The following PREX1 variants were observed in gnomAD, a reference collection of about 807,000 sequenced individuals.
The protein encoded by PREX1 is phosphatidylinositol 3,4,5-trisphosphate-dependent Rac exchanger 1 protein.
Under a neutral mutation model 198.3 loss-of-function variants are expected in PREX1, and 41 were observed. The observed-to-expected ratio is 0.21, with a 90% CI of 0.16 to 0.27. PREX1 has a LOEUF of 0.27. Ranked by LOEUF, PREX1 falls within the 10% of genes least tolerant of loss-of-function variation. The pLI, the probability that PREX1 is intolerant of heterozygous loss-of-function variation, is 1.00. For synonymous variants in PREX1, 843 were observed against 887.2 expected (o/e 0.95, Z 0.89); for missense variants, 1,620 against 2,200.7 (o/e 0.74, Z 5.28).
chr20:48,760,394 AG>A (rs2090173998), intron 1 of PREX1, among the ~76,000 whole-genome samples: 1 of 152,044 alleles, frequency 6.6e-6, no homozygotes, highest in South Asian at 2.1e-4. Flanking sequence ...GAGAAGGGGA[AG>A]GCTTTATAAA....
chr20:48,834,172 A>G, the PREX1 span, among the ~76,000 whole-genome samples: 1 of 152,170 alleles, frequency 6.6e-6, no homozygotes, highest in Admixed American at 6.5e-5. Flanking sequence ...CCTAAGGTTT[A>G]TAACGTGAAG....
chr20:48,710,831 G>A (rs536134411), intron 5 of PREX1, among the ~76,000 whole-genome samples: 20 of 152,252 alleles, frequency 1.3e-4, no homozygotes, highest in Non-Finnish European at 2.5e-4. Flanking sequence ...AGAAGAGCAC[G>A]TGCAAAGGCC....
the PREX1 span, among the ~76,000 whole-genome samples, chr20:48,853,156 T>A: frequency 6.6e-6 from 1 of 152,140 alleles, no homozygotes; most frequent in East Asian, 1.9e-4. Context: ...ACAAAAATTT[T>A]AAATTATAAT....
chr20:48,848,248 CTTTTTTTTT>C, the PREX1 span, among the ~76,000 whole-genome samples: 1 of 140,522 alleles, frequency 7.1e-6, no homozygotes, highest in Admixed American at 7.2e-5. Flanking sequence ...TACATTTTTT[CTTTTTTTTT>C]TTTTTGTTTC....
At chr20:48,707,263 T>C (rs1476326047) in intron 6 of PREX1, among the ~76,000 whole-genome samples, 2 of 152,132 alleles carry the variant, frequency 1.3e-5, no homozygotes, top group Non-Finnish European at 2.9e-5. Flanking sequence ...CCCCAAATCA[T>C]ATCCCAAACT....
intron 1 of PREX1, among the ~76,000 whole-genome samples, chr20:48,804,969 C>T (rs1439207965): frequency 6.6e-6 from 1 of 151,984 alleles, no homozygotes; most frequent in Non-Finnish European, 1.5e-5. Context: ...ATCTAGAGGT[C>T]GGGACAGAGG....
At chr20:48,674,539 G>A (rs1052079084) in intron 14 of PREX1, among the ~76,000 whole-genome samples, 3 of 152,178 alleles carry the variant, frequency 2.0e-5, no homozygotes, top group Non-Finnish European at 4.4e-5. Flanking sequence ...ACCATGAATA[G>A]ATATTCTTGA....
At chr20:48,743,819 C>T (rs536453496) in intron 3 of PREX1, among the ~76,000 whole-genome samples, 25 of 152,338 alleles carry the variant, frequency 1.6e-4, no homozygotes, top group Non-Finnish European at 2.9e-4. Flanking sequence ...CTTGCCCTCA[C>T]TTTCACGTAG....
rs1195719830 is a variant in PREX1, at chr20:48,645,928, C to T, written c.3435G>A (p.Lys1145=). 4 of 1,614,110 alleles carry T rather than the reference C, an allele frequency of 2.5e-6. No individual in the cohort carries two copies. The highest frequency in any genetic ancestry group is 3.4e-6 in the Non-Finnish European group (4 of 1,180,038). The stretch of plus-strand genomic sequence containing the variant: ...CCTCGGCCACCTTGAAGCACACCTT[C>T]TTGATGCCCCCATGGTCACTCCTGT... ...EMDRSDHGGI[K]KVCFKVAEED... The change falls in exon 26 of 40, where the codon AAG becomes AAA. Residue 1145 remains lysine (K), a synonymous_variant. Transcript: ENST00000371941.
intron 1 of PREX1, among the ~76,000 whole-genome samples, chr20:48,804,366 G>C (rs1022775101): frequency 6.6e-6 from 1 of 152,184 alleles, no homozygotes; most frequent in African/African-American, 2.4e-5. Context: ...GAGCATGGGA[G>C]GAGGGGTGAC....
chr20:48,772,621 G>A (rs1255888028), intron 1 of PREX1, among the ~76,000 whole-genome samples: 2 of 152,304 alleles, frequency 1.3e-5, no homozygotes, highest in Non-Finnish European at 1.5e-5. Flanking sequence ...GAGGAAAGGC[G>A]ACAGTATACA....
the PREX1 span, among the ~76,000 whole-genome samples, chr20:48,866,438 A>G: frequency 3.3e-5 from 5 of 152,148 alleles, no homozygotes; most frequent in African/African-American, 4.8e-5. Flanking sequence ...GGACCACTGG[A>G]GCAGAATGTG....
chr20:48,656,829 G>A lies in PREX1; in HGVS notation c.2123+211C>T, dbSNP rs150636214. On this transcript the variant is annotated intron_variant, in intron 18 of 39. Transcript: ENST00000371941. Reference sequence around the variant, plus strand: ...TGGCAGGAACCGCATGCATCCCCACGTGGCTGGATTCCCAGGGCCCAAACT... The same window carrying A: ...TGGCAGGAACCGCATGCATCCCCACATGGCTGGATTCCCAGGGCCCAAACT... Among the ~76,000 whole-genome samples the A allele has an allele frequency of 4.3e-3, 659 of 152,274 alleles. 3 individuals are homozygous for A. Among genetic ancestry groups the A allele is most frequent in the African/African-American group, 0.011 (469 of 41,552 alleles).
the PREX1 span, among the ~76,000 whole-genome samples, chr20:48,850,198 T>C: frequency 1.3e-5 from 2 of 152,196 alleles, no homozygotes; most frequent in African/African-American, 4.8e-5. Flanking sequence ...TTTCTCTACC[T>C]TTCTGGCCCG....
At chr20:48,699,812 C>A (rs1412274022) in intron 7 of PREX1, among the ~76,000 whole-genome samples, 1 of 152,168 alleles carries the variant, frequency 6.6e-6, no homozygotes, top group African/African-American at 2.4e-5. Context: ...TCTTCATATC[C>A]ATTTCTCTAA....
intron 7 of PREX1, among the ~76,000 whole-genome samples, chr20:48,699,098 C>A (rs183377528): frequency 6.6e-6 from 1 of 152,136 alleles, no homozygotes; most frequent in Non-Finnish European, 1.5e-5. Flanking sequence ...CACACACGGG[C>A]ATGGAGCATC....
rs373751915 is a variant in PREX1 at position 48,636,440 on chromosome 20, G to A, written c.4167+23C>T. 1.6e-5 allele frequency: 26 copies of A among 1,577,184 alleles called. No homozygotes were observed. The East Asian group carries it at 2.9e-4, about 18-fold the overall frequency. ...CACCAGTGGGTGGGCCAGCGGGGCC[G>A]CCCTCCCGCCCCACTCACTCACCAC... On this transcript the variant is annotated intron_variant, in intron 32 of 39. Transcript: ENST00000371941.
At position 48,689,510 on chromosome 20, in the gene PREX1, C is replaced by T. The variant is rs186332596; in HGVS notation, c.1187-706G>A. On this transcript the variant is annotated intron_variant, in intron 9 of 39. Coordinates refer to ENST00000371941, the MANE Select transcript of PREX1 (RefSeq NM_020820.4). ...TTCCATATTCGTGCTCGTGACCACC[C>T]CAGCCCTGAGGTCAGGATGTGGACA... Among the ~76,000 whole-genome samples, 3 of 152,242 alleles carry T rather than the reference C, an allele frequency of 2.0e-5. No homozygotes were observed. In the East Asian group the frequency reaches 5.8e-4, roughly 29 times the overall value.
chr20:48,833,924 A>C, the PREX1 span, among the ~76,000 whole-genome samples: 4 of 152,166 alleles, frequency 2.6e-5, no homozygotes, highest in Non-Finnish European at 4.4e-5. Flanking sequence ...TTTACTAAAA[A>C]TACAAAATAT....
Sources: allele counts gnomAD v4.1 joint callset (sites outside exome capture counted in the v4.1 genomes callset), GRCh38; gene constraint gnomAD v4.1.1; transcripts MANE v1.5; gene names NCBI Gene and HGNC (gene_info 2026-07-23, HGNC 2026-07-21).